ZNF385D: variants seen among roughly 807,000 people sequenced by gnomAD.
ZNF385D encodes zinc finger protein 659.
A neutral mutation model predicts 35.8 loss-of-function variants in ZNF385D; 15 were observed. That is an observed-to-expected ratio of 0.42 (90% CI 0.28 to 0.64). The LOEUF (loss-of-function observed/expected upper bound fraction) is 0.64, where lower values mean the gene tolerates loss of function less well. Ranked by LOEUF, ZNF385D falls within the 30% of genes least tolerant of loss-of-function variation. The pLI is 0.23. For synonymous variants in ZNF385D, 212 were observed against 186.8 expected (o/e 1.13, Z -1.10); for missense variants, 474 against 494.6 (o/e 0.96, Z 0.39).
intron 3 of ZNF385D, among the ~76,000 whole-genome samples, chr3:21,911,822 A>G (rs2125913984): frequency 6.6e-6 from 1 of 152,108 alleles, no homozygotes; most frequent in African/African-American, 2.4e-5. Flanking sequence ...AGATTTTTAG[A>G]CAAGTGGTGC....
intron 3 of ZNF385D, among the ~76,000 whole-genome samples, chr3:21,914,311 G>C (rs1700095135): frequency 6.6e-6 from 1 of 150,832 alleles, no homozygotes. Flanking sequence ...GTGTTAGTAA[G>C]TAAATTATCT....
intron 2 of ZNF385D, among the ~76,000 whole-genome samples, chr3:22,296,677 C>G (rs1038800677): frequency 6.6e-6 from 1 of 152,104 alleles, no homozygotes; most frequent in Non-Finnish European, 1.5e-5. Context: ...GCACTCCTTG[C>G]TGAATGCTGA....
Position 21,665,000 on chromosome 3 carries a change from C to T in ZNF385D, c.51G>A (p.Pro17=), listed in dbSNP as rs769275058. 2.1e-5 allele frequency: 34 copies of T among 1,612,486 alleles called. No individual in the cohort carries two copies. Among genetic ancestry groups the T allele is most frequent in the South Asian group, 6.6e-5 (6 of 90,958 alleles). The change falls in exon 2 of 8, where the codon CCG becomes CCA. Residue 17 remains proline, a synonymous_variant. Transcript: ENST00000281523. ...GAGGGGCTGGTGGACGGACAAGGGC[C>T]GGGAGAGCAGGACTCTGGCATGTAC... The part of the protein sequence containing the change: ...FGGTCQSPAL[P]ALVRPPAPPL...
intron 2 of ZNF385D, among the ~76,000 whole-genome samples, chr3:22,230,906 T>G (rs76356078): frequency 0.039 from 5,958 of 152,160 alleles, 145 homozygotes; most frequent in Non-Finnish European, 0.061. Context: ...AGGAAAAAGA[T>G]GAAAATTCTA....
chr3:22,346,298 C>G (rs1253606333), intron 2 of ZNF385D, among the ~76,000 whole-genome samples: 1 of 151,980 alleles, frequency 6.6e-6, no homozygotes, highest in East Asian at 1.9e-4. Context: ...AAATATTTGT[C>G]TAAATACAAA....
intron 3 of ZNF385D, among the ~76,000 whole-genome samples, chr3:22,141,338 TTATA>T (rs1334909304): frequency 3.9e-5 from 6 of 152,292 alleles, no homozygotes; most frequent in African/African-American, 1.4e-4. Flanking sequence ...TGAAATCATC[TTATA>T]AATAGAGCAA....
At chr3:21,615,069 C>T (rs936130749) in intron 2 of ZNF385D, among the ~76,000 whole-genome samples, 5 of 152,112 alleles carry the variant, frequency 3.3e-5, no homozygotes, top group African/African-American at 1.2e-4. Flanking sequence ...TGGATATTTG[C>T]CCCCCTCCAA....
chr3:21,603,276 C>A (rs1365821138), intron 2 of ZNF385D, among the ~76,000 whole-genome samples: 1 of 152,132 alleles, frequency 6.6e-6, no homozygotes, highest in African/African-American at 2.4e-5. Context: ...TTATATAATG[C>A]TGGAAGATAT....
In ZNF385D at chr3:21,413,128, A is replaced by T. The variant is rs1426800266; in HGVS notation, c.*8086T>A. ...AAATATAACAATAACATATAGAATC[A>T]TCATTCAACTATCATAATATAAAAC... On this transcript the variant is annotated 3_prime_UTR_variant, in exon 8 of 8. Coordinates refer to ENST00000281523, the MANE Select transcript of ZNF385D (RefSeq NM_024697.3). 2.0e-5 allele frequency: 3 copies of T among 152,072 alleles called. No individual in the cohort carries two copies. The highest frequency in any genetic ancestry group is 4.8e-5 in the African/African-American group (2 of 41,412). 9.4% of individuals were successfully genotyped at this position (152,072 alleles called of 1,614,324 possible).
rs1489693907 is a variant in ZNF385D at position 21,416,953 on chromosome 3, T to C, written c.*4261A>G. ...CAGGGTTGGTTTTGTTCAGAATTTA[T>C]TACATTCTTGACTGGGAAAATAGAA... On this transcript the variant is annotated 3_prime_UTR_variant, in exon 8 of 8. Transcript: ENST00000281523. 6.6e-6 allele frequency: 1 copy of C among 152,114 alleles called. No homozygotes were observed. Among genetic ancestry groups the C allele is most frequent in the African/African-American group, 2.4e-5 (1 of 41,436 alleles). 9.4% of individuals were successfully genotyped at this position (152,114 alleles called of 1,614,324 possible).
In ZNF385D at chr3:22,354,266, T is replaced by C. The variant is rs184699301; in HGVS notation, c.106+18184A>G. Among the ~76,000 whole-genome samples the C allele has an allele frequency of 5.3e-5, 8 of 152,250 alleles. No individual in the cohort carries two copies. The East Asian group carries it at 1.2e-3, about 22-fold the overall frequency. ...CTGTATCTCAGTTTCTTCAGTTTTT[T>C]TCATTTACAAGATGAAGAAAACATC... On this transcript the variant is annotated intron_variant, in intron 2 of 5. Transcript: ENST00000494108.
intron 3 of ZNF385D, among the ~76,000 whole-genome samples, chr3:22,103,390 C>A (rs1455067586): frequency 6.6e-6 from 1 of 152,070 alleles, no homozygotes; most frequent in East Asian, 1.9e-4. Context: ...TATAGACCTA[C>A]AAAGTAAACA....
intron 2 of ZNF385D, among the ~76,000 whole-genome samples, chr3:22,289,120 A>C (rs1173562311): frequency 4.6e-5 from 7 of 152,156 alleles, no homozygotes; most frequent in Admixed American, 2.0e-4. Context: ...CCTTCTCTAC[A>C]CTAAGCCTGG....
intron 3 of ZNF385D, among the ~76,000 whole-genome samples, chr3:21,807,461 A>C (rs1433038594): frequency 6.6e-6 from 1 of 152,142 alleles, no homozygotes; most frequent in East Asian, 1.9e-4. Context: ...CCAAGTTTAA[A>C]AGTAAAGAGA....
chr3:22,102,992 T>C (rs968250882), intron 3 of ZNF385D, among the ~76,000 whole-genome samples: 7 of 150,196 alleles, frequency 4.7e-5, no homozygotes, highest in African/African-American at 1.7e-4. Context: ...TTATATATTA[T>C]ATACTGTATA....
chr3:22,310,942 TTGA>T (rs1468752786), intron 2 of ZNF385D, among the ~76,000 whole-genome samples: 1 of 151,918 alleles, frequency 6.6e-6, no homozygotes, highest in Non-Finnish European at 1.5e-5. Flanking sequence ...TATGAAGTTT[TTGA>T]TGTTATAAGT....
chr3:21,536,331 A>T (rs1465903229), intron 3 of ZNF385D, among the ~76,000 whole-genome samples: 1 of 152,106 alleles, frequency 6.6e-6, no homozygotes, highest in Non-Finnish European at 1.5e-5. Context: ...AAATGGAGTA[A>T]GTTCACAGGA....
chr3:22,228,539 G>A (rs977770787), intron 2 of ZNF385D, among the ~76,000 whole-genome samples: 2 of 152,208 alleles, frequency 1.3e-5, no homozygotes, highest in African/African-American at 4.8e-5. Flanking sequence ...AAAGCTTTTG[G>A]TTAAGTGGTC....
intron 2 of ZNF385D, among the ~76,000 whole-genome samples, chr3:22,321,980 C>A (rs1485608266): frequency 6.6e-6 from 1 of 152,066 alleles, no homozygotes; most frequent in African/African-American, 2.4e-5. Context: ...CCATTCCTCT[C>A]AAAATTTCAA....
Sources: gnomAD v4.1 joint callset for allele counts (sites outside exome capture counted in the v4.1 genomes callset) on GRCh38, gnomAD v4.1.1 for gene constraint, MANE v1.5 for transcripts, NCBI Gene and HGNC (gene_info 2026-07-23, HGNC 2026-07-21) for gene names.